The following PCDHA4 variants were observed in gnomAD, a reference collection of about 807,000 sequenced individuals.
PCDHA4 encodes the protein protocadherin alpha 4, also known as protocadherin alpha-4.
PCDHA4 carries 49 observed loss-of-function variants against 61.4 expected under a neutral mutation model. The ratio of observed to expected loss-of-function variants is 0.80; its 90% CI spans 0.63 to 1.01. The LOEUF (loss-of-function observed/expected upper bound fraction) is 1.01. Ranked by LOEUF, PCDHA4 falls within the 50% of genes least tolerant of loss-of-function variation. The pLI, the probability that PCDHA4 is intolerant of heterozygous loss-of-function variation, is 0.00. For missense variants in PCDHA4, 1,254 were observed against 1,235.8 expected, an observed-to-expected ratio of 1.01 and a Z score of -0.22; for synonymous variants, 590 against 550.3, an observed-to-expected ratio of 1.07 and a Z score of -1.01.
chr5:140,818,198 T>A (rs2150100405), intron 1 of PCDHA4, among the ~76,000 whole-genome samples: 1 of 152,226 alleles, frequency 6.6e-6, no homozygotes, highest in East Asian at 1.9e-4. Flanking sequence ...TATAAGTACA[T>A]GTATGTTAAA....
intron 1 of PCDHA4, among the ~76,000 whole-genome samples, chr5:140,956,551 C>G (rs995941205): frequency 1.3e-5 from 2 of 152,148 alleles, no homozygotes; most frequent in Non-Finnish European, 2.9e-5. Flanking sequence ...ATTTGGTTTG[C>G]CAGTATCTTA....
At chr5:140,830,375 G>T (rs1372928011) in intron 1 of PCDHA4, 3 of 1,614,054 alleles carry the variant, frequency 1.9e-6, no homozygotes, top group African/African-American at 2.7e-5. Flanking sequence ...GTGCTCCGGG[G>T]AGGGCCCACC....
intron 1 of PCDHA4, among the ~76,000 whole-genome samples, chr5:140,923,795 A>C (rs1282849925): frequency 6.6e-6 from 1 of 152,360 alleles, no homozygotes; most frequent in African/African-American, 2.4e-5. Context: ...CATTCTTTTC[A>C]CAAATGAAAT....
Position 140,869,089 on chromosome 5 carries a change from C to A in PCDHA4, c.2385+59517C>A, listed in dbSNP as rs141432478. On this transcript the variant is annotated intron_variant, in intron 1 of 3. Coordinates refer to ENST00000530339, the MANE Select transcript of PCDHA4 (RefSeq NM_018907.4). Reference sequence around the variant, plus strand: ...AGTGTAAAGAAGCTTATTTTGGAAGCCAATTTCGTATGCGATGTTTGGTTT... The same window carrying A: ...AGTGTAAAGAAGCTTATTTTGGAAGACAATTTCGTATGCGATGTTTGGTTT... 9.7e-5 allele frequency: 154 copies of A among 1,588,996 alleles called. No individual in the cohort carries two copies. The East Asian group carries it at 3.4e-3, about 35-fold the overall frequency.
chr5:140,876,920 A>G (rs782247870), intron 1 of PCDHA4: 1 of 1,613,928 alleles, frequency 6.2e-7, no homozygotes, highest in Non-Finnish European at 8.5e-7. Context: ...TGGGACGCGG[A>G]CGCGCAGAAG....
At chr5:140,858,157 C>G in intron 1 of PCDHA4, 1 of 1,597,628 alleles carries the variant, frequency 6.3e-7, no homozygotes, top group Non-Finnish European at 8.6e-7. Flanking sequence ...TCGCCATCTG[C>G]GCGGTGTCCA....
intron 1 of PCDHA4, chr5:140,851,364 T>A (rs1293968731): frequency 6.1e-6 from 6 of 975,758 alleles, no homozygotes; most frequent in African/African-American, 1.8e-5. Flanking sequence ...ACTGTGAACA[T>A]CTGATTGTTC....
chr5:140,834,549 C>T (rs2150220771), intron 1 of PCDHA4: 1 of 1,614,074 alleles, frequency 6.2e-7, no homozygotes, highest in Non-Finnish European at 8.5e-7. Flanking sequence ...GGGGCTGGAG[C>T]TGGCGGAGCT....
chr5:140,808,344 C>T lies in PCDHA4; in HGVS notation c.1157C>T (p.Thr386Ile). The change falls in exon 1 of 4, where the codon ACC (threonine) becomes ATC (isoleucine). Residue 386 changes from threonine (T) to isoleucine (I), a missense_variant. Physicochemically the swap from Thr to Ile is moderately conservative, Grantham distance 89. Transcript: ENST00000530339. ...GACATGGGTGTCAATGGGCTGGTCACCTGCTCCTTGACGTCCCACGTCCCC... is the reference window on the plus strand; with the variant it reads ...GACATGGGTGTCAATGGGCTGGTCATCTGCTCCTTGACGTCCCACGTCCCC... ...DKDMGVNGLV[T>I]CSLTSHVPFK... The T allele has an allele frequency of 6.2e-7, 1 of 1,614,268 alleles. No homozygotes were observed.
chr5:140,981,042 C>A (rs782145088), intron 2 of PCDHA4, among the ~76,000 whole-genome samples: 22 of 151,970 alleles, frequency 1.4e-4, no homozygotes, highest in Non-Finnish European at 2.9e-4. Flanking sequence ...GGAAAAAAAA[C>A]AGATAATTCT....
At chr5:140,982,312 T>C in intron 2 of PCDHA4, 163 bp from the exon 3 acceptor site, 1 of 1,315,948 alleles carries the variant, frequency 7.6e-7, no homozygotes, top group Non-Finnish European at 1.0e-6. Context: ...TTCTGCAGTT[T>C]ATGCAGGGTG....
At chr5:140,966,892 C>G (rs782364150) in intron 1 of PCDHA4, 4 of 1,595,414 alleles carry the variant, frequency 2.5e-6, no homozygotes, top group South Asian at 1.1e-5. Flanking sequence ...CTGCGGCCTC[C>G]CAGCTGCGAT....
At chr5:140,917,357 C>G (rs2078163128) in intron 1 of PCDHA4, among the ~76,000 whole-genome samples, 1 of 146,268 alleles carries the variant, frequency 6.8e-6, no homozygotes, top group African/African-American at 2.5e-5. Context: ...GGCTTCTGTT[C>G]CACTATCTTG....
rs114410083 is a variant in PCDHA4, at chr5:140,927,323, C to T, written c.2386-51626C>T. 1,487 of 1,614,220 alleles carry T rather than the reference C, an allele frequency of 9.2e-4. 8 individuals are homozygous for T. In the African/African-American group the frequency reaches 0.018, roughly 19 times the overall value. ...TTCCTGACGCCCGGAGCCCGCTTTA[C>T]TCTCCCGAATGCCCAAGATGACGAC... On this transcript the variant is annotated intron_variant, in intron 1 of 3. Coordinates refer to ENST00000530339, the MANE Select transcript of PCDHA4 (RefSeq NM_018907.4).
chr5:140,829,975 G>A (rs2150178918), intron 1 of PCDHA4: 37 of 1,613,854 alleles, frequency 2.3e-5, no homozygotes, highest in Admixed American at 3.3e-5. Flanking sequence ...GGCTGTACAC[G>A]GGCGAGATCA....
Position 140,982,613 on chromosome 5 carries a change from A to G in PCDHA4, c.2533+50A>G, listed in dbSNP as rs201150239. ...CTTTCTTGGTTTCTGGAAAGTGATC[A>G]GATGACCTACTTTTGTAAGATCAGG... On this transcript the variant is annotated intron_variant, in intron 3 of 3. Transcript: ENST00000530339. 2.7e-5 allele frequency: 43 copies of G among 1,599,298 alleles called. No individual in the cohort carries two copies. The Admixed American group carries it at 7.0e-4, about 26-fold the overall frequency.
At chr5:140,815,211 C>T (rs1765676173) in intron 1 of PCDHA4, 1 of 152,062 alleles carries the variant, frequency 6.6e-6, no homozygotes, top group Non-Finnish European at 1.5e-5. Flanking sequence ...TAGGGCATAA[C>T]TTACTGTTGC....
At chr5:140,856,807 T>C in intron 1 of PCDHA4, 1 of 1,594,936 alleles carries the variant, frequency 6.3e-7, no homozygotes, top group Non-Finnish European at 8.6e-7. Context: ...TGTATGAAAA[T>C]CAAGTGAACC....
intron 1 of PCDHA4, chr5:140,857,011 T>C (rs2044320012): frequency 1.3e-6 from 2 of 1,596,036 alleles, no homozygotes; most frequent in Admixed American, 1.7e-5. Flanking sequence ...ATGTAGATGT[T>C]ACAGATAAGG....
Sources: allele counts gnomAD v4.1 joint callset (sites outside exome capture counted in the v4.1 genomes callset), GRCh38; gene constraint gnomAD v4.1.1; transcripts MANE v1.5; gene names NCBI Gene and HGNC (gene_info 2026-07-23, HGNC 2026-07-21).